CFAP299: variants seen among roughly 807,000 people sequenced by gnomAD.
The protein encoded by CFAP299 is cilia- and flagella-associated protein 299.
A neutral mutation model predicts 27.0 loss-of-function variants in CFAP299; 21 were observed. The observed-to-expected ratio is 0.78, with a 90% CI of 0.55 to 1.12. CFAP299 has a LOEUF of 1.12. Among genes scored for constraint, CFAP299 ranks in the 50% most tolerant of loss-of-function variants. The pLI is 0.00. For missense variants in CFAP299, 310 were observed against 276.6 expected (o/e 1.12, Z -0.86); for synonymous variants, 104 against 98.1 (o/e 1.06, Z -0.36).
chr4:80,382,620 C>G (rs60688289), intron 2 of CFAP299, among the ~76,000 whole-genome samples: 9 of 152,224 alleles, frequency 5.9e-5, no homozygotes, highest in African/African-American at 2.2e-4. Context: ...AAATGCAAAT[C>G]AAAACCACAA....
chr4:80,816,756 A>G (rs942682349), intron 3 of CFAP299, among the ~76,000 whole-genome samples: 9 of 152,088 alleles, frequency 5.9e-5, no homozygotes, highest in Admixed American at 2.0e-4. Context: ...GGGGTGTCCA[A>G]TGTTTTAGCT....
intron 2 of CFAP299, among the ~76,000 whole-genome samples, chr4:80,443,604 C>T (rs1254513212): frequency 6.6e-6 from 1 of 152,146 alleles, no homozygotes; most frequent in Non-Finnish European, 1.5e-5. Context: ...GGAAACATTT[C>T]CTTTGAAAAC....
At chr4:80,729,252 A>G (rs1369789941) in intron 3 of CFAP299, among the ~76,000 whole-genome samples, 1 of 152,074 alleles carries the variant, frequency 6.6e-6, no homozygotes, top group Non-Finnish European at 1.5e-5. Context: ...TAATTCCACA[A>G]CCTCAACAGT....
chr4:80,510,528 G>A (rs764340860), intron 2 of CFAP299, among the ~76,000 whole-genome samples: 2 of 151,968 alleles, frequency 1.3e-5, no homozygotes, highest in African/African-American at 2.4e-5. Context: ...CCTTTCTTGC[G>A]TCGTCCTCTG....
intron 3 of CFAP299, among the ~76,000 whole-genome samples, chr4:80,810,155 TG>T (rs1432304230): frequency 6.6e-6 from 1 of 152,046 alleles, no homozygotes; most frequent in Non-Finnish European, 1.5e-5. Context: ...CTTACAAAGG[TG>T]TATTGTCTGA....
At chr4:80,539,143 T>C (rs1040185735) in intron 2 of CFAP299, among the ~76,000 whole-genome samples, 2 of 152,232 alleles carry the variant, frequency 1.3e-5, no homozygotes, top group African/African-American at 4.8e-5. Flanking sequence ...TTCACGTTTG[T>C]AGCTATACAA....
intron 3 of CFAP299, among the ~76,000 whole-genome samples, chr4:80,751,037 C>T (rs1214729920): frequency 1.3e-5 from 2 of 152,220 alleles, no homozygotes; most frequent in Non-Finnish European, 2.9e-5. Context: ...ATCTCAGCCT[C>T]AGCCCAAGTT....
chr4:80,416,646 T>C (rs1727022970), intron 2 of CFAP299, among the ~76,000 whole-genome samples: 1 of 152,214 alleles, frequency 6.6e-6, no homozygotes. Context: ...AAGATGCCAT[T>C]ATAATAAGCT....
chr4:80,693,544 T>G (rs1008241281), intron 3 of CFAP299, among the ~76,000 whole-genome samples: 2 of 29,912 alleles, frequency 6.7e-5, no homozygotes, highest in Non-Finnish European at 1.3e-4. Context: ...CTGGGGACTG[T>G]GGTGGGGTGG....
chr4:80,918,468 G>T (rs557681058), intron 4 of CFAP299, among the ~76,000 whole-genome samples: 1 of 152,078 alleles, frequency 6.6e-6, no homozygotes, highest in Non-Finnish European at 1.5e-5. Flanking sequence ...CGTTTATTGT[G>T]TTTTCCCGAC....
At position 80,891,772 on chromosome 4, in the gene CFAP299, A is replaced by T. The variant is rs1454082938; in HGVS notation, c.476+21637A>T. Among the ~76,000 whole-genome samples the T allele has an allele frequency of 2.9e-4, 33 of 114,402 alleles. 1 individual carries two copies. Among genetic ancestry groups the T allele is most frequent in the African/African-American group, 1.7e-3 (33 of 19,858 alleles). The allele number at this position is 114,402 out of a possible 152,430, so 75.1% of individuals were successfully genotyped here. On this transcript the variant is annotated intron_variant, in intron 4 of 5. Coordinates refer to ENST00000358105, the MANE Select transcript of CFAP299 (RefSeq NM_152770.3). ...CTAAAACTTAGAGTATAATAAAAAA[A>T]AAAATTAAAAAAAAAATAAAAAAAA...
chr4:80,603,603 G>A (rs1232630570), intron 3 of CFAP299, among the ~76,000 whole-genome samples: 3 of 152,046 alleles, frequency 2.0e-5, no homozygotes, highest in Non-Finnish European at 2.9e-5. Flanking sequence ...TTGTTTCAAA[G>A]GAAATATTTA....
At chr4:80,801,336 G>C (rs900858116) in intron 3 of CFAP299, among the ~76,000 whole-genome samples, 4 of 151,920 alleles carry the variant, frequency 2.6e-5, no homozygotes, top group Admixed American at 2.6e-4. Context: ...TGGAATCTAT[G>C]ATTGACACAA....
intron 3 of CFAP299, among the ~76,000 whole-genome samples, chr4:80,635,089 G>T (rs1022370284): frequency 6.6e-6 from 1 of 151,970 alleles, no homozygotes; most frequent in Non-Finnish European, 1.5e-5. Flanking sequence ...ACTCATTCTA[G>T]CTTTGTAAAG....
At chr4:80,494,621 A>G (rs1176264310) in intron 2 of CFAP299, among the ~76,000 whole-genome samples, 2 of 152,172 alleles carry the variant, frequency 1.3e-5, no homozygotes, top group East Asian at 3.9e-4. Context: ...GTGTGTTCCA[A>G]TTTTAACTAT....
chr4:80,811,053 C>A (rs1246585288), intron 3 of CFAP299, among the ~76,000 whole-genome samples: 1 of 152,108 alleles, frequency 6.6e-6, no homozygotes, highest in Non-Finnish European at 1.5e-5. Flanking sequence ...ATACCCTTTA[C>A]AATAACTTCA....
intron 3 of CFAP299, among the ~76,000 whole-genome samples, chr4:80,706,049 C>T (rs1163397594): frequency 6.6e-6 from 1 of 151,778 alleles, no homozygotes; most frequent in Admixed American, 6.6e-5. Context: ...TAAATGCATA[C>T]AACCTTCTCA....
At chr4:80,733,452 G>A (rs967713118) in intron 3 of CFAP299, among the ~76,000 whole-genome samples, 1 of 152,004 alleles carries the variant, frequency 6.6e-6, no homozygotes, top group Non-Finnish European at 1.5e-5. Context: ...TTTATCCTTT[G>A]TCGTACAAAC....
intron 2 of CFAP299, among the ~76,000 whole-genome samples, chr4:80,558,337 G>A (rs1162982001): frequency 6.9e-6 from 1 of 144,610 alleles, no homozygotes; most frequent in Non-Finnish European, 1.5e-5. Flanking sequence ...AGACTTTTGT[G>A]GTTTTTTTGT....
Sources: allele counts gnomAD v4.1 joint callset (sites outside exome capture counted in the v4.1 genomes callset), GRCh38; gene constraint gnomAD v4.1.1; transcripts MANE v1.5; gene names NCBI Gene and HGNC (gene_info 2026-07-23, HGNC 2026-07-21).